OSBP2: variants seen among roughly 807,000 people sequenced by gnomAD.
OSBP2 encodes the protein oxysterol-binding protein 2.
A neutral mutation model predicts 96.0 loss-of-function variants in OSBP2; 66 were observed. That is an observed-to-expected ratio of 0.69 (90% CI 0.56 to 0.84). OSBP2 has a LOEUF of 0.84. Ranked by LOEUF, OSBP2 falls within the 40% of genes least tolerant of loss-of-function variation. The pLI, the probability that OSBP2 is intolerant of heterozygous loss-of-function variation, is 0.00. For missense variants in OSBP2, 1,038 were observed against 1,222.7 expected (o/e 0.85, Z 2.25); for synonymous variants, 525 against 520.9 (o/e 1.01, Z -0.11).
intron 1 of OSBP2, among the ~76,000 whole-genome samples, chr22:30,702,626 A>G (rs1406211497): frequency 6.6e-6 from 1 of 152,096 alleles, no homozygotes; most frequent in Non-Finnish European, 1.5e-5. Context: ...AAAATAAATA[A>G]AATAAATAAA....
chr22:30,745,281 G>A (rs2089984768), intron 2 of OSBP2, among the ~76,000 whole-genome samples: 2 of 152,072 alleles, frequency 1.3e-5, no homozygotes, highest in South Asian at 4.1e-4. Context: ...AAATGAATCT[G>A]AAATGAAAAA....
intron 1 of OSBP2, among the ~76,000 whole-genome samples, chr22:30,730,775 T>TATATATATATATAC (rs2089755347): frequency 6.6e-5 from 1 of 15,078 alleles, no homozygotes; most frequent in Non-Finnish European, 1.2e-4. Flanking sequence ...TCTCTCTCTC[T>TATATATATATATAC]ATATATATAT....
chr22:30,862,683 G>A (rs1555922487), intron 2 of OSBP2, among the ~76,000 whole-genome samples: 6 of 149,998 alleles, frequency 4.0e-5, no homozygotes, highest in Non-Finnish European at 1.5e-5. Context: ...CCATCTCAAA[G>A]AAAAAAAAGG....
chr22:30,842,469 A>G (rs137875314), intron 2 of OSBP2, among the ~76,000 whole-genome samples: 3 of 152,124 alleles, frequency 2.0e-5, no homozygotes, highest in African/African-American at 7.2e-5. Flanking sequence ...AAATAAGACA[A>G]CACTGAAGTT....
intron 1 of OSBP2, among the ~76,000 whole-genome samples, chr22:30,698,865 C>T (rs559459291): frequency 6.6e-5 from 10 of 152,282 alleles, no homozygotes; most frequent in Admixed American, 2.0e-4. Flanking sequence ...TAATCCTGGT[C>T]GCCATGCACT....
intron 2 of OSBP2, among the ~76,000 whole-genome samples, chr22:30,819,325 A>T (rs189351974): frequency 6.6e-6 from 1 of 152,164 alleles, no homozygotes; most frequent in Non-Finnish European, 1.5e-5. Flanking sequence ...ACAGAGGGAG[A>T]CTCTGAAAAG....
chr22:30,895,968 T>TG (rs546584053), intron 12 of OSBP2, among the ~76,000 whole-genome samples: 10 of 148,104 alleles, frequency 6.8e-5, no homozygotes, highest in Non-Finnish European at 1.5e-4. Flanking sequence ...AAGGGGAGGA[T>TG]GGGGGGAGCA....
chr22:30,744,893 A>G (rs958562495), intron 2 of OSBP2, among the ~76,000 whole-genome samples: 3 of 152,222 alleles, frequency 2.0e-5, no homozygotes, highest in African/African-American at 7.2e-5. Flanking sequence ...TACACATGGA[A>G]CATTTTTCAG....
chr22:30,832,746 G>A (rs982929637), intron 2 of OSBP2, among the ~76,000 whole-genome samples: 7 of 152,260 alleles, frequency 4.6e-5, no homozygotes, highest in Middle Eastern at 3.4e-3. Context: ...AGGGGCCTCC[G>A]AAACATGCTG....
intron 2 of OSBP2, among the ~76,000 whole-genome samples, chr22:30,805,043 G>A (rs756592123): frequency 6.6e-6 from 1 of 152,168 alleles, no homozygotes; most frequent in Admixed American, 6.5e-5. Context: ...CATAGTCTGA[G>A]CAACTTAAAA....
intron 1 of OSBP2, among the ~76,000 whole-genome samples, chr22:30,738,875 T>C (rs1602197720): frequency 6.6e-6 from 1 of 152,148 alleles, no homozygotes; most frequent in East Asian, 1.9e-4. Flanking sequence ...AAATGTCTGA[T>C]TGAGTGTCGA....
intron 2 of OSBP2, among the ~76,000 whole-genome samples, chr22:30,830,780 A>C (rs184626555): frequency 3.3e-5 from 5 of 152,252 alleles, no homozygotes; most frequent in Admixed American, 1.3e-4. Context: ...GTTCAAGAGC[A>C]TGGCGTTTCC....
chr22:30,849,889 G>C (rs548330489), intron 2 of OSBP2, among the ~76,000 whole-genome samples: 10 of 152,236 alleles, frequency 6.6e-5, no homozygotes, highest in Admixed American at 6.5e-4. Context: ...TAGTTTTTGT[G>C]TATGGGGTGA....
intron 1 of OSBP2, among the ~76,000 whole-genome samples, chr22:30,704,987 T>A (rs2089229697): frequency 6.6e-6 from 1 of 152,228 alleles, no homozygotes; most frequent in African/African-American, 2.4e-5. Context: ...TCAGTCAGAG[T>A]AAGGGCTGGT....
chr22:30,881,945 C>A lies in OSBP2; in HGVS notation c.1108-5481C>A. On this transcript the variant is annotated intron_variant, in intron 3 of 13. Transcript: ENST00000332585. This position sits in a 1 kb window ranked among gnomAD's most constrained non-coding sequence, Gnocchi z 4.5. ...TAGGGCACAGCAGTTTTCACCCTGC[C>A]CCGCTTTTAGGTGACTGTGACACTC... 1 of 671,646 alleles carries A rather than the reference C, an allele frequency of 1.5e-6. No individual in the cohort carries two copies. 41.6% of individuals were successfully genotyped at this position (671,646 alleles called of 1,614,324 possible). A position where few individuals can be genotyped will look rare whatever the true frequency, so the allele number is the denominator to read the frequency against.
At chr22:30,720,700 A>G (rs775302257) in intron 1 of OSBP2, among the ~76,000 whole-genome samples, 1 of 152,214 alleles carries the variant, frequency 6.6e-6, no homozygotes, top group Non-Finnish European at 1.5e-5. Context: ...AAACTGTTTC[A>G]TAAGTGTAAG....
At position 30,704,146 on chromosome 22, in the gene OSBP2, C is replaced by A. The variant is rs2089208417; in HGVS notation, c.644+8593C>A. ...CCGAAAGTAACCCCAGGCTCAATGA[C>A]CCACTAGGAGGACTCACAGGACTCA... is the stretch of plus-strand genomic sequence containing the variant. On this transcript the variant is annotated intron_variant, in intron 1 of 13. Coordinates refer to ENST00000332585, the MANE Select transcript of OSBP2 (RefSeq NM_030758.4). 4.6e-5 allele frequency among the ~76,000 whole-genome samples: 7 copies of A among 152,258 alleles called. No individual in the cohort carries two copies. In the South Asian group the frequency reaches 1.5e-3, roughly 32 times the overall value.
chr22:30,800,217 C>T (rs1023773734), intron 2 of OSBP2, among the ~76,000 whole-genome samples: 2 of 152,174 alleles, frequency 1.3e-5, no homozygotes, highest in Middle Eastern at 3.2e-3. Context: ...ACAGGCCCCT[C>T]ACAAAACCAG....
At chr22:30,727,884 A>G (rs1367481017) in intron 1 of OSBP2, among the ~76,000 whole-genome samples, 1 of 151,938 alleles carries the variant, frequency 6.6e-6, no homozygotes, top group Non-Finnish European at 1.5e-5. Flanking sequence ...AGGCGGGTGG[A>G]TCACAAGGTC....
Sources: gnomAD v4.1 joint callset for allele counts (sites outside exome capture counted in the v4.1 genomes callset) on GRCh38, gnomAD v4.1.1 for gene constraint, Gnocchi (gnomAD v3.1) non-coding constraint, MANE v1.5 for transcripts, NCBI Gene and HGNC (gene_info 2026-07-23, HGNC 2026-07-21) for gene names.